NCF2: variants seen among roughly 807,000 people sequenced by gnomAD.
NCF2 encodes the protein neutrophil cytosolic factor 2.
NCF2 carries 45 observed loss-of-function variants against 70.9 expected under a neutral mutation model. That is an observed-to-expected ratio of 0.63 (90% CI 0.50 to 0.81). The LOEUF is 0.81. NCF2 is among the 40% of genes least tolerant of loss of function. The pLI, the probability that NCF2 is intolerant of heterozygous loss-of-function variation, is 0.00. For missense variants in NCF2, 522 were observed against 631.6 expected, an observed-to-expected ratio of 0.83 and a Z score of 1.86; for synonymous variants, 203 against 233.6, an observed-to-expected ratio of 0.87 and a Z score of 1.19.
At position 183,573,844 on chromosome 1, in the gene NCF2, C is replaced by A. The variant is rs186921021; in HGVS notation, c.502-552G>T. Among the ~76,000 whole-genome samples the A allele has an allele frequency of 1.1e-4, 16 of 152,356 alleles. No individual in the cohort carries two copies. The East Asian group carries it at 2.3e-3, about 22-fold the overall frequency. The stretch of plus-strand genomic sequence containing the variant: ...GTGGCTCATGCCTGTAATCCCTGCA[C>A]TTTGGGAGGCCAAGGAGGGCAGATC... On this transcript the variant is annotated intron_variant, in intron 4 of 14. Transcript: ENST00000367535.
At chr1:183,560,719 G>A (rs976447047) in intron 13 of NCF2, among the ~76,000 whole-genome samples, 1 of 152,264 alleles carries the variant, frequency 6.6e-6, no homozygotes, top group African/African-American at 2.4e-5. Context: ...CTCACCTGCT[G>A]TGCAGCCCTG....
Position 183,577,581 on chromosome 1 carries a change from A to C in NCF2, c.366+18T>G, listed in dbSNP as rs1672852347. ...GCCATGATCCCCTCCTGCCCAGGCCAGGCCCTGTTCTCCTTACCTCACAGG... is the reference window on the plus strand; with the variant it reads ...GCCATGATCCCCTCCTGCCCAGGCCCGGCCCTGTTCTCCTTACCTCACAGG... On this transcript the variant is annotated intron_variant, in intron 3 of 14. Coordinates refer to ENST00000367535, the MANE Select transcript of NCF2 (RefSeq NM_000433.4). 6.4e-7 allele frequency: 1 copy of C among 1,564,138 alleles called. No individual in the cohort carries two copies. Among genetic ancestry groups the C allele is most frequent in the South Asian group, 1.1e-5 (1 of 90,056 alleles).
chr1:183,567,106 G>A lies in NCF2; in HGVS notation c.855+98C>T, dbSNP rs1672335819. The stretch of plus-strand genomic sequence containing the variant: ...GATGACGAACAGACAAAAGAACTTG[G>A]CTGGTCTGCAAAGAAGGCAGCAGAT... On this transcript the variant is annotated intron_variant, in intron 8 of 14. Coordinates refer to ENST00000367535, the MANE Select transcript of NCF2 (RefSeq NM_000433.4). The A allele has an allele frequency of 2.5e-6, 4 of 1,607,268 alleles. No individual in the cohort carries two copies. In the South Asian group the frequency reaches 4.4e-5, roughly 18 times the overall value.
intron 2 of NCF2, 28 bp downstream of exon 2, chr1:183,586,867 C>T (rs1476835108): frequency 6.2e-7 from 1 of 1,602,848 alleles, no homozygotes. Context: ...CTGAAATCCT[C>T]CAGTTGGTGC....
chr1:183,577,491 G>A lies in NCF2; in HGVS notation c.366+108C>T. ...GTCTCAAGGCAGAGGAGGCAAAATG[G>A]CTTTTCCAAGCTCCTGGAGGTGTCA... On this transcript the variant is annotated intron_variant, in intron 3 of 14. Coordinates refer to ENST00000367535, the MANE Select transcript of NCF2 (RefSeq NM_000433.4). The A allele has an allele frequency of 5.7e-6, 5 of 884,082 alleles. No individual in the cohort carries two copies. In the South Asian group the frequency reaches 6.7e-5, roughly 12 times the overall value. The allele number at this position is 884,082 out of a possible 1,614,324, so 54.8% of individuals were successfully genotyped here.
chr1:183,578,478 C>G (rs1672905870), intron 2 of NCF2, among the ~76,000 whole-genome samples: 2 of 152,104 alleles, frequency 1.3e-5, no homozygotes, highest in Admixed American at 1.3e-4. Flanking sequence ...CTGCCTCAGC[C>G]ACCTGAGTGG....
chr1:183,577,366 C>G (rs1455650307), intron 3 of NCF2, among the ~76,000 whole-genome samples: 1 of 152,212 alleles, frequency 6.6e-6, no homozygotes, highest in East Asian at 1.9e-4. Flanking sequence ...TGGTCCTTTG[C>G]GCTTCACATT....
At chr1:183,578,397 G>T (rs1672902283) in intron 2 of NCF2, among the ~76,000 whole-genome samples, 1 of 149,268 alleles carries the variant, frequency 6.7e-6, no homozygotes, top group African/African-American at 2.5e-5. Context: ...TCACTGTATT[G>T]CCCAGGCTGG....
the NCF2 span, among the ~76,000 whole-genome samples, chr1:183,599,423 C>CTTCTTTCTTTCTTTCTCTTTCTTTCT: frequency 4.7e-5 from 5 of 107,508 alleles, no homozygotes; most frequent in African/African-American, 1.9e-4. Flanking sequence ...TCTTTCTTTC[C>CTTCTTTCTTTCTTTCTCTTTCTTTCT]TTCTTTCTTT....
chr1:183,586,773 G>T, intron 2 of NCF2, 122 bp downstream of exon 2: 1 of 884,218 alleles, frequency 1.1e-6, no homozygotes, highest in Non-Finnish European at 1.9e-6. Context: ...GTCCCCAGAA[G>T]GGCCAGTCAC....
chr1:183,573,404 C>A (rs549954173), intron 4 of NCF2, 112 bp from the exon 5 acceptor site: 22 of 1,032,210 alleles, frequency 2.1e-5, no homozygotes, highest in South Asian at 1.8e-4. Context: ...CACATAGAAG[C>A]CCTTTTCCAA....
intron 4 of NCF2, among the ~76,000 whole-genome samples, chr1:183,573,645 G>T (rs1343134091): frequency 6.6e-6 from 1 of 152,210 alleles, no homozygotes; most frequent in Admixed American, 6.5e-5. Flanking sequence ...TCATGACAGT[G>T]CTCCCTTGGA....
At chr1:183,581,788 C>T (rs1673112571) in intron 2 of NCF2, among the ~76,000 whole-genome samples, 2 of 152,140 alleles carry the variant, frequency 1.3e-5, no homozygotes, top group Non-Finnish European at 2.9e-5. Context: ...CTGCCTCAGC[C>T]TCCCGAGTAG....
upstream of NCF2, among the ~76,000 whole-genome samples, chr1:183,592,970 G>T: frequency 6.6e-6 from 1 of 152,050 alleles, no homozygotes; most frequent in East Asian, 1.9e-4. Flanking sequence ...CATAGCCTTC[G>T]AAGGCCTGCT....
chr1:183,575,551 A>T (rs1672765377), intron 3 of NCF2, among the ~76,000 whole-genome samples: 1 of 152,218 alleles, frequency 6.6e-6, no homozygotes, highest in South Asian at 2.1e-4. Context: ...ACACAGAATC[A>T]AATAATCGTT....
intron 7 of NCF2, 119 bp downstream of exon 7, chr1:183,569,023 C>G: frequency 2.1e-6 from 2 of 941,072 alleles, no homozygotes; most frequent in South Asian, 1.3e-5. Flanking sequence ...GCCTGACATT[C>G]CAGAAAATTC....
intron 2 of NCF2, among the ~76,000 whole-genome samples, chr1:183,580,158 G>A (rs528757061): frequency 6.6e-5 from 10 of 152,166 alleles, no homozygotes; most frequent in African/African-American, 1.7e-4. Flanking sequence ...GTGGCTATGC[G>A]GGAAATAAAA....
chr1:183,576,624 T>C (rs923703695), intron 3 of NCF2, among the ~76,000 whole-genome samples: 1 of 152,164 alleles, frequency 6.6e-6, no homozygotes, highest in Non-Finnish European at 1.5e-5. Context: ...ACTCGAGAAG[T>C]TGGTCGAATG....
chr1:183,573,573 G>A (rs1672666060), intron 4 of NCF2, among the ~76,000 whole-genome samples: 1 of 152,126 alleles, frequency 6.6e-6, no homozygotes, highest in Admixed American at 6.5e-5. Flanking sequence ...TGCTGTCCGT[G>A]GGGTTCTCTC....
Sources: gnomAD v4.1 joint callset for allele counts (sites outside exome capture counted in the v4.1 genomes callset) on GRCh38, gnomAD v4.1.1 for gene constraint, MANE v1.5 for transcripts, NCBI Gene and HGNC (gene_info 2026-07-23, HGNC 2026-07-21) for gene names.